The following ROBO2 variants were observed in gnomAD, a reference collection of about 807,000 sequenced individuals.
The protein encoded by ROBO2 is roundabout guidance receptor 2.
A neutral mutation model predicts 160.8 loss-of-function variants in ROBO2; 53 were observed. The ratio of observed to expected loss-of-function variants is 0.33; its 90% CI spans 0.26 to 0.41. ROBO2 has a LOEUF of 0.41. Ranked by LOEUF, ROBO2 falls within the 10% of genes least tolerant of loss-of-function variation. The probability of loss-of-function intolerance (pLI) is 1.00; values close to 1 mark genes in which losing one functional copy is unlikely to be tolerated. For synonymous variants in ROBO2, 664 were observed against 611.7 expected (o/e 1.09, Z -1.26); for missense variants, 1,577 against 1,722.4 (o/e 0.92, Z 1.49).
intron 2 of ROBO2, among the ~76,000 whole-genome samples, chr3:76,441,244 G>A (rs1300520061): frequency 6.6e-6 from 1 of 152,164 alleles, no homozygotes; most frequent in Non-Finnish European, 1.5e-5. Flanking sequence ...AGTTATCGAA[G>A]AGTTTCTAAG....
At chr3:76,053,958 A>G (rs534064384) in intron 2 of ROBO2, among the ~76,000 whole-genome samples, 2 of 152,146 alleles carry the variant, frequency 1.3e-5, no homozygotes, top group Non-Finnish European at 2.9e-5. Flanking sequence ...TATAAAGTCA[A>G]TAATCTGTAC....
chr3:76,414,392 T>C (rs1209124768), intron 2 of ROBO2, among the ~76,000 whole-genome samples: 1 of 152,144 alleles, frequency 6.6e-6, no homozygotes, highest in Non-Finnish European at 1.5e-5. Context: ...TGGTATATCA[T>C]CTGGACTGAA....
chr3:76,119,137 C>T (rs1241583343), intron 2 of ROBO2, among the ~76,000 whole-genome samples: 2 of 152,070 alleles, frequency 1.3e-5, no homozygotes, highest in African/African-American at 4.8e-5. Flanking sequence ...TGTTAAATTG[C>T]TTATGTAAAG....
chr3:76,428,999 C>T (rs1056210415), intron 2 of ROBO2, among the ~76,000 whole-genome samples: 1 of 152,178 alleles, frequency 6.6e-6, no homozygotes, highest in African/African-American at 2.4e-5. Context: ...CTGGAGGATT[C>T]AATTCCAAAT....
chr3:76,412,370 A>T (rs1202847984), intron 2 of ROBO2, among the ~76,000 whole-genome samples: 1 of 152,158 alleles, frequency 6.6e-6, no homozygotes, highest in Non-Finnish European at 1.5e-5. Flanking sequence ...CACATTTCAA[A>T]ACCAATCATG....
intron 2 of ROBO2, among the ~76,000 whole-genome samples, chr3:77,471,176 T>C (rs1192331442): frequency 6.6e-6 from 1 of 152,226 alleles, no homozygotes; most frequent in African/African-American, 2.4e-5. Context: ...CACTTCATTG[T>C]CATTGCTAAT....
chr3:75,979,060 A>G (rs2065207905), intron 2 of ROBO2, among the ~76,000 whole-genome samples: 1 of 151,548 alleles, frequency 6.6e-6, no homozygotes, highest in Non-Finnish European at 1.5e-5. Flanking sequence ...CTGAAAACCG[A>G]TGCATATGTA....
chr3:76,191,136 C>A (rs1455417361), intron 2 of ROBO2, among the ~76,000 whole-genome samples: 1 of 152,054 alleles, frequency 6.6e-6, no homozygotes, highest in Non-Finnish European at 1.5e-5. Context: ...CAAGGAGAAT[C>A]TATAAGTGCA....
chr3:76,924,680 A>T (rs1194773743), intron 2 of ROBO2, among the ~76,000 whole-genome samples: 2 of 152,182 alleles, frequency 1.3e-5, no homozygotes, highest in Non-Finnish European at 2.9e-5. Context: ...CTTTGCACAA[A>T]CTCACTGAAT....
At chr3:77,258,114 GAAGTA>G (rs1257108324) in intron 2 of ROBO2, among the ~76,000 whole-genome samples, 2 of 152,224 alleles carry the variant, frequency 1.3e-5, no homozygotes, top group African/African-American at 4.8e-5. Context: ...TGTAAAGTTT[GAAGTA>G]AAGTGTCAAC....
intron 2 of ROBO2, among the ~76,000 whole-genome samples, chr3:76,870,111 C>G (rs1559628240): frequency 6.6e-6 from 1 of 152,150 alleles, no homozygotes; most frequent in Non-Finnish European, 1.5e-5. Context: ...CATCCCTAAG[C>G]AGTATGGATT....
At chr3:76,049,123 A>G (rs1198508448) in intron 2 of ROBO2, among the ~76,000 whole-genome samples, 1 of 152,078 alleles carries the variant, frequency 6.6e-6, no homozygotes, top group Non-Finnish European at 1.5e-5. Context: ...AGTTTTGGCA[A>G]CTTCTTATTT....
rs370990899 is a variant in ROBO2, at chr3:76,287,847, G to A, written c.109+350245G>A. 2.0e-5 allele frequency among the ~76,000 whole-genome samples: 3 copies of A among 152,250 alleles called. No individual in the cohort carries two copies. The South Asian group carries it at 6.2e-4, about 32-fold the overall frequency. On this transcript the variant is annotated intron_variant, in intron 2 of 26. Coordinates refer to the ROBO2 transcript ENST00000487694. ...TAGAAAACTGTCTGACTCATATTAAGTGCTATGTAATGTTACTGCTACTAT... is the reference window on the plus strand; with the variant it reads ...TAGAAAACTGTCTGACTCATATTAAATGCTATGTAATGTTACTGCTACTAT...
chr3:75,999,635 T>A (rs1046186243), intron 2 of ROBO2, among the ~76,000 whole-genome samples: 1 of 152,192 alleles, frequency 6.6e-6, no homozygotes. Context: ...CAATTACTTT[T>A]ATTATTTTAT....
chr3:77,491,193 G>C (rs931592756), intron 4 of ROBO2, among the ~76,000 whole-genome samples: 1 of 152,114 alleles, frequency 6.6e-6, no homozygotes, highest in Non-Finnish European at 1.5e-5. Context: ...CTAGGAGTGG[G>C]TGCATTAACA....
intron 2 of ROBO2, among the ~76,000 whole-genome samples, chr3:76,976,952 C>T (rs1381112470): frequency 2.0e-5 from 3 of 152,074 alleles, no homozygotes; most frequent in Non-Finnish European, 4.4e-5. Flanking sequence ...ATATATGGTT[C>T]GCTTTCACAT....
intron 2 of ROBO2, among the ~76,000 whole-genome samples, chr3:76,537,382 G>A (rs974762013): frequency 6.6e-6 from 1 of 152,128 alleles, no homozygotes; most frequent in African/African-American, 2.4e-5. Context: ...GGGGCCGAAG[G>A]TATTGCAGAA....
intron 2 of ROBO2, among the ~76,000 whole-genome samples, chr3:76,773,880 G>A (rs531716921): frequency 6.6e-6 from 1 of 150,906 alleles, no homozygotes; most frequent in South Asian, 2.1e-4. Context: ...CAGAGGTGGG[G>A]ACCTTAATAA....
intron 2 of ROBO2, among the ~76,000 whole-genome samples, chr3:76,357,435 G>T (rs2075242325): frequency 6.6e-6 from 1 of 151,838 alleles, no homozygotes; most frequent in Admixed American, 6.6e-5. Flanking sequence ...AAAGACAACA[G>T]ATTCAAAAAA....
Sources: gnomAD v4.1 joint callset for allele counts (sites outside exome capture counted in the v4.1 genomes callset) on GRCh38, gnomAD v4.1.1 for gene constraint, MANE v1.5 for transcripts, NCBI Gene and HGNC (gene_info 2026-07-23, HGNC 2026-07-21) for gene names.